Variants in SV2B observed in about 807,000 individuals in gnomAD.
SV2B encodes the protein solute carrier family 22 member B2.
A neutral mutation model predicts 73.9 loss-of-function variants in SV2B; 41 were observed. The ratio of observed to expected loss-of-function variants is 0.56; its 90% CI spans 0.43 to 0.72. The LOEUF (loss-of-function observed/expected upper bound fraction) is 0.72, where lower values mean the gene tolerates loss of function less well. Ranked by LOEUF, SV2B falls within the 30% of genes least tolerant of loss-of-function variation. SV2B has a pLI of 0.00. For missense variants in SV2B, 764 were observed against 857.8 expected (o/e 0.89, Z 1.37); for synonymous variants, 314 against 314.2 (o/e 1.00, Z 0.01).
intron 1 of SV2B, among the ~76,000 whole-genome samples, chr15:91,221,217 A>G (rs2046200732): frequency 6.6e-6 from 1 of 152,148 alleles, no homozygotes; most frequent in African/African-American, 2.4e-5. Flanking sequence ...ATTTAAATTG[A>G]TCACATCTGT....
chr15:91,160,058 A>G (rs1596495610), intron 1 of SV2B, among the ~76,000 whole-genome samples: 1 of 152,184 alleles, frequency 6.6e-6, no homozygotes, highest in East Asian at 1.9e-4. Flanking sequence ...CAGAAGGATT[A>G]AATGTTCCCA....
intron 6 of SV2B, among the ~76,000 whole-genome samples, chr15:91,263,244 A>G (rs1440745707): frequency 7.1e-6 from 1 of 140,058 alleles, no homozygotes; most frequent in African/African-American, 3.1e-5. Context: ...AGAGACAAAC[A>G]GACACAGGAA....
Position 91,241,016 on chromosome 15 carries a change from A to G in SV2B, c.452-10803A>G, listed in dbSNP as rs916400375. ...CTTACTACACATTCTTGTTGCAGTC[A>G]TCCACTGACTGGGCCATGTGCTCTC... is the stretch of plus-strand genomic sequence containing the variant. On this transcript the variant is annotated intron_variant, in intron 2 of 12. Transcript: ENST00000394232. The surrounding 1 kb of genome is among the most constrained non-coding windows in gnomAD (Gnocchi z 4.8). Among the ~76,000 whole-genome samples the G allele has an allele frequency of 1.3e-5, 2 of 152,198 alleles. No individual in the cohort carries two copies. Among genetic ancestry groups the G allele is most frequent in the East Asian group, 1.9e-4 (1 of 5,194 alleles).
intron 1 of SV2B, among the ~76,000 whole-genome samples, chr15:91,155,540 G>A (rs2043458370): frequency 6.6e-6 from 1 of 152,186 alleles, no homozygotes; most frequent in South Asian, 2.1e-4. Flanking sequence ...AGATGCAGGA[G>A]AGGACTTTCT....
intron 1 of SV2B, among the ~76,000 whole-genome samples, chr15:91,168,331 A>AGAGAGAG (rs58086579): frequency 3.3e-5 from 5 of 151,030 alleles, no homozygotes; most frequent in African/African-American, 7.3e-5. Flanking sequence ...AGAGAGAGAG[A>AGAGAGAG]AAAGAAATTT....
Position 91,286,891 on chromosome 15 carries a change from C to T in SV2B, c.1709-2630C>T, listed in dbSNP as rs1315066109. 6.6e-5 allele frequency among the ~76,000 whole-genome samples: 10 copies of T among 152,162 alleles called. No individual in the cohort carries two copies. The East Asian group carries it at 1.9e-3, about 29-fold the overall frequency. On this transcript the variant is annotated intron_variant, in intron 11 of 12. Coordinates refer to ENST00000394232, the MANE Select transcript of SV2B (RefSeq NM_001323032.3). ...GCCCTGGGGACTTATAGCAGGAACACCTAACAGAGTTGAAGGATCAGGGAA... is the reference window on the plus strand; with the variant it reads ...GCCCTGGGGACTTATAGCAGGAACATCTAACAGAGTTGAAGGATCAGGGAA...
At chr15:91,172,175 C>A (rs181753397) in intron 1 of SV2B, among the ~76,000 whole-genome samples, 2 of 152,240 alleles carry the variant, frequency 1.3e-5, no homozygotes, top group African/African-American at 4.8e-5. Flanking sequence ...GAGCTCTTCT[C>A]GGCCTGGCCA....
intron 1 of SV2B, among the ~76,000 whole-genome samples, chr15:91,225,267 A>C (rs2046335646): frequency 6.6e-6 from 1 of 152,082 alleles, no homozygotes; most frequent in African/African-American, 2.4e-5. Flanking sequence ...CACAATGCTG[A>C]GTCTCAAAAG....
chr15:91,160,683 T>A lies in SV2B; in HGVS notation c.-392+60320T>A, dbSNP rs527677797. ...ATGATGAAAACAGACAAATAATCGGTGGACTTCAAGAGGGAGTCCCAAAAT... is the reference window on the plus strand; with the variant it reads ...ATGATGAAAACAGACAAATAATCGGAGGACTTCAAGAGGGAGTCCCAAAAT... On this transcript the variant is annotated intron_variant, in intron 1 of 12. Transcript: ENST00000394232. Among the ~76,000 whole-genome samples, 15 of 152,244 alleles carry A rather than the reference T, an allele frequency of 9.9e-5. No individual in the cohort carries two copies. The East Asian group carries it at 2.9e-3, about 29-fold the overall frequency.
At chr15:91,277,144 T>C (rs981536252) in intron 9 of SV2B, among the ~76,000 whole-genome samples, 4 of 151,934 alleles carry the variant, frequency 2.6e-5, no homozygotes, top group Admixed American at 6.6e-5. Flanking sequence ...CTTGCTTCTT[T>C]GTATGTCTTG....
At chr15:91,113,550 G>A (rs931724825) in intron 1 of SV2B, among the ~76,000 whole-genome samples, 3 of 152,176 alleles carry the variant, frequency 2.0e-5, no homozygotes, top group Non-Finnish European at 4.4e-5. Flanking sequence ...CTGTTGGGTT[G>A]CCTGTAGCCT....
At chr15:91,179,789 T>A (rs965340300) in intron 1 of SV2B, among the ~76,000 whole-genome samples, 6 of 152,230 alleles carry the variant, frequency 3.9e-5, no homozygotes, top group African/African-American at 1.2e-4. Flanking sequence ...TGTGTGTCTC[T>A]GCCCGTGAGC....
At position 91,110,603 on chromosome 15, in the gene SV2B, C is replaced by G. The variant is rs2042008921; in HGVS notation, c.-392+10240C>G. Among the ~76,000 whole-genome samples the G allele has an allele frequency of 6.6e-6, 1 of 152,204 alleles. No individual in the cohort carries two copies. Among genetic ancestry groups the G allele is most frequent in the African/African-American group, 2.4e-5 (1 of 41,464 alleles). On this transcript the variant is annotated intron_variant, in intron 1 of 12. Coordinates refer to ENST00000394232, the MANE Select transcript of SV2B (RefSeq NM_001323032.3). This position sits in a 1 kb window ranked among gnomAD's most constrained non-coding sequence, Gnocchi z 5.4. ...CAGCAGATGGCGCCGAGGAATGGAG[C>G]CCAGCTGGCACGTGGGAGGCTCTGC...
intron 1 of SV2B, among the ~76,000 whole-genome samples, chr15:91,196,263 A>G (rs543825033): frequency 6.6e-6 from 1 of 152,232 alleles, no homozygotes; most frequent in Non-Finnish European, 1.5e-5. Context: ...GAAAACAACA[A>G]GGTTCTCTGT....
In SV2B at chr15:91,229,976, C is replaced by T. The variant is rs2046512849; in HGVS notation, c.451+3262C>T. 6.6e-6 allele frequency among the ~76,000 whole-genome samples: 1 copy of T among 152,208 alleles called. No homozygotes were observed. The highest frequency in any genetic ancestry group is 6.5e-5 in the Admixed American group (1 of 15,276). ...AACTCTCTGGTTGGGTGTGGTGGCC[C>T]ATGCCTGTAATCCCAGTGCTTTGGG... On this transcript the variant is annotated intron_variant, in intron 2 of 12. Coordinates refer to ENST00000394232, the MANE Select transcript of SV2B (RefSeq NM_001323032.3). The surrounding 1 kb of genome is among the most constrained non-coding windows in gnomAD (Gnocchi z 4.3).
chr15:91,255,103 G>A (rs981860905), intron 4 of SV2B, among the ~76,000 whole-genome samples: 3 of 152,224 alleles, frequency 2.0e-5, no homozygotes, highest in East Asian at 1.9e-4. Flanking sequence ...GCAGGAGGAT[G>A]TTGTGAGGGA....
chr15:91,296,059 C>G lies in SV2B; in HGVS notation c.*3507C>G, dbSNP rs894386089. 14 of 151,948 alleles carry G rather than the reference C, an allele frequency of 9.2e-5. No individual in the cohort carries two copies. The highest frequency in any genetic ancestry group is 3.1e-4 in the African/African-American group (13 of 41,362). The allele number at this position is 151,948 out of a possible 1,614,324, so 9.4% of individuals were successfully genotyped here. A position where few individuals can be genotyped will look rare whatever the true frequency, so the allele number is the denominator to read the frequency against. ...ATTTTTTTTTCTTTGAGGAGTGTAC[C>G]AATTTTTTATCTTTATAAACCAGGT... On this transcript the variant is annotated 3_prime_UTR_variant, in exon 13 of 13. Coordinates refer to ENST00000394232, the MANE Select transcript of SV2B (RefSeq NM_001323032.3).
At chr15:91,285,049 G>A (rs1295150548) in intron 11 of SV2B, among the ~76,000 whole-genome samples, 1 of 152,176 alleles carries the variant, frequency 6.6e-6, no homozygotes, top group Admixed American at 6.5e-5. Context: ...GGTTGACGTT[G>A]ATTAGGAAAG....
chr15:91,238,893 A>G (rs895888961), intron 2 of SV2B, among the ~76,000 whole-genome samples: 11 of 151,980 alleles, frequency 7.2e-5, no homozygotes, highest in African/African-American at 2.7e-4. Context: ...TCAGACAGAG[A>G]ACACTCGGGT....
Sources: allele counts gnomAD v4.1 joint callset (sites outside exome capture counted in the v4.1 genomes callset), GRCh38; gene constraint gnomAD v4.1.1; non-coding constraint Gnocchi (gnomAD v3.1); transcripts MANE v1.5; gene names NCBI Gene and HGNC (gene_info 2026-07-23, HGNC 2026-07-21).